Variants in CELF2 observed in about 807,000 individuals in gnomAD.
CELF2 encodes CUGBP Elav-like family member 2, also known as CUG triplet repeat RNA-binding protein 2.
A neutral mutation model predicts 62.6 loss-of-function variants in CELF2; 8 were observed. The observed-to-expected ratio is 0.13, with a 90% CI of 0.07 to 0.23. The LOEUF is 0.23. Among genes scored for constraint, CELF2 ranks in the 10% least tolerant of loss-of-function variants. The pLI is 1.00. For missense variants in CELF2, 333 were observed against 671.0 expected (o/e 0.50, Z 5.56); for synonymous variants, 258 against 250.0 (o/e 1.03, Z -0.30).
At chr10:10,549,539 C>T in the CELF2 span, among the ~76,000 whole-genome samples, 1 of 152,234 alleles carries the variant, frequency 6.6e-6, no homozygotes, top group Non-Finnish European at 1.5e-5. Context: ...TTGCCTTGGC[C>T]TCACAATGTG....
At chr10:10,557,355 G>A in the CELF2 span, among the ~76,000 whole-genome samples, 27 of 151,638 alleles carry the variant, frequency 1.8e-4, no homozygotes, top group Non-Finnish European at 8.8e-5. Context: ...GATATGTGGC[G>A]TTATTTCTGA....
At chr10:10,684,906 G>A in the CELF2 span, among the ~76,000 whole-genome samples, 16 of 152,074 alleles carry the variant, frequency 1.1e-4, no homozygotes, top group Admixed American at 3.3e-4. Context: ...CACAGCACCG[G>A]GAGCTAGTTC....
At chr10:10,525,127 T>A in the CELF2 span, among the ~76,000 whole-genome samples, 3 of 152,182 alleles carry the variant, frequency 2.0e-5, no homozygotes, top group Non-Finnish European at 4.4e-5. Context: ...GGATCAGTTT[T>A]TTTCGGTGAG....
chr10:10,691,629 T>G, the CELF2 span, among the ~76,000 whole-genome samples: 34,151 of 150,820 alleles, frequency 0.23, 4,104 homozygotes, highest in South Asian at 0.43. Flanking sequence ...ACCAACAGTG[T>G]AAAAGTGTTC....
intron 6 of CELF2, 126 bp downstream of exon 6, chr10:11,266,803 C>T: frequency 1.5e-6 from 1 of 648,136 alleles, no homozygotes; most frequent in Non-Finnish European, 2.6e-6. Context: ...TCTCAGTTTT[C>T]ATTCATTCAT....
At chr10:10,665,680 A>G in the CELF2 span, among the ~76,000 whole-genome samples, 4 of 152,334 alleles carry the variant, frequency 2.6e-5, no homozygotes, top group South Asian at 8.3e-4. Flanking sequence ...GTGCATCACA[A>G]ATTAGTTTTA....
At chr10:10,915,311 T>C (rs2064225027) in intron 1 of CELF2, among the ~76,000 whole-genome samples, 1 of 152,054 alleles carries the variant, frequency 6.6e-6, no homozygotes, top group African/African-American at 2.4e-5. Context: ...CAGTAGAAAA[T>C]GTCTATACAC....
intron 1 of CELF2, among the ~76,000 whole-genome samples, chr10:11,119,224 A>T (rs1319738224): frequency 2.0e-5 from 3 of 152,180 alleles, no homozygotes; most frequent in Non-Finnish European, 4.4e-5. Flanking sequence ...TCTTGCATAA[A>T]CTTGAGCATA....
rs752968427 is a variant in CELF2, at chr10:11,260,777, A to G, written c.538+2905A>G. On this transcript the variant is annotated intron_variant, in intron 5 of 12. Coordinates refer to ENST00000633077, the MANE Select transcript of CELF2 (RefSeq NM_001326342.2). The surrounding 1 kb of genome is among the most constrained non-coding windows in gnomAD (Gnocchi z 4.2). ...TAACCATTTATCCTGAGAACTGAAG[A>G]CAGACAGTGGTACTTTTTTCAATTC... 6.6e-6 allele frequency among the ~76,000 whole-genome samples: 1 copy of G among 152,216 alleles called. No individual in the cohort carries two copies.
rs926524267 is a variant in CELF2, at chr10:11,242,076, G to A, written c.355-7077G>A. 7.2e-5 allele frequency among the ~76,000 whole-genome samples: 11 copies of A among 152,168 alleles called. No homozygotes were observed. In the East Asian group the frequency reaches 7.7e-4, roughly 11 times the overall value. Reference sequence around the variant, plus strand: ...TTCTCAGTTGGCACATAGCTCTTTCGTGAATTCACTTCTTTCCATCCCCTC... The same window carrying A: ...TTCTCAGTTGGCACATAGCTCTTTCATGAATTCACTTCTTTCCATCCCCTC... On this transcript the variant is annotated intron_variant, in intron 3 of 12. Transcript: ENST00000633077. The surrounding 1 kb of genome is among the most constrained non-coding windows in gnomAD (Gnocchi z 4.8).
the CELF2 span, among the ~76,000 whole-genome samples, chr10:10,614,890 GGTCCCAA>G: frequency 6.6e-6 from 1 of 152,026 alleles, no homozygotes; most frequent in Non-Finnish European, 1.5e-5. Context: ...AAAGCACGTA[GGTCCCAA>G]GACACAACTT....
At position 11,165,423 on chromosome 10, in the gene CELF2, A is replaced by T; in HGVS notation, c.75-63A>T. 6.6e-7 allele frequency: 1 copy of T among 1,524,084 alleles called. No individual in the cohort carries two copies. The highest frequency in any genetic ancestry group is 8.8e-7 in the Non-Finnish European group (1 of 1,131,786). 94.4% of individuals were successfully genotyped at this position (1,524,084 alleles called of 1,614,324 possible). ...GCCTCCCCGCTCCCCCACCCCCACT[A>T]TTTTTTCTTCCTGTCCCTCATCGTG... On this transcript the variant is annotated intron_variant, in intron 1 of 12. Coordinates refer to ENST00000633077, the MANE Select transcript of CELF2 (RefSeq NM_001326342.2). This position sits in a 1 kb window ranked among gnomAD's most constrained non-coding sequence, Gnocchi z 7.4.
chr10:11,029,588 A>T (rs2059787370), intron 1 of CELF2, among the ~76,000 whole-genome samples: 1 of 152,200 alleles, frequency 6.6e-6, no homozygotes, highest in African/African-American at 2.4e-5. Context: ...GCCTCTCATC[A>T]CACAGCACTT....
At chr10:10,880,730 A>G (rs2061391495) in intron 1 of CELF2, among the ~76,000 whole-genome samples, 1 of 152,218 alleles carries the variant, frequency 6.6e-6, no homozygotes, top group African/African-American at 2.4e-5. Context: ...GGCAGAGTGG[A>G]GTGGAAGCAA....
chr10:10,830,941 A>G (rs1162365380), intron 1 of CELF2, among the ~76,000 whole-genome samples: 2 of 152,192 alleles, frequency 1.3e-5, no homozygotes, highest in East Asian at 3.8e-4. Context: ...ATGACACCAT[A>G]TCAAATTCCT....
intron 1 of CELF2, among the ~76,000 whole-genome samples, chr10:10,912,572 A>T (rs1415060808): frequency 2.0e-5 from 3 of 152,002 alleles, no homozygotes; most frequent in Non-Finnish European, 4.4e-5. Context: ...GTTTCACCAT[A>T]TTGGCCAGGG....
At chr10:11,004,650 A>G (rs1203551906), upstream of CELF2, among the ~76,000 whole-genome samples, 2 of 152,094 alleles carry the variant, frequency 1.3e-5, no homozygotes, top group African/African-American at 2.4e-5. This position sits in a 1 kb window ranked among gnomAD's most constrained non-coding sequence, Gnocchi z 5.0. Flanking sequence ...CAATCTTTGC[A>G]TTGCCTGCCT....
At chr10:11,252,952 C>T (rs1428636990) in intron 4 of CELF2, among the ~76,000 whole-genome samples, 4 of 152,102 alleles carry the variant, frequency 2.6e-5, no homozygotes, top group African/African-American at 4.8e-5. Context: ...CCATCATAAA[C>T]GAGCAGAAAC....
At position 11,084,103 on chromosome 10, in the gene CELF2, G is replaced by A. The variant is rs75644798; in HGVS notation, c.74+65940G>A. Among the ~76,000 whole-genome samples the A allele has an allele frequency of 4.9e-3, 751 of 152,316 alleles. 7 individuals are homozygous for A. The highest frequency in any genetic ancestry group is 0.014 in the African/African-American group (601 of 41,554). The stretch of plus-strand genomic sequence containing the variant: ...GTTTTGGCAAGGAAAGGAAACTGTC[G>A]CTTGGAAGATTCATTTTCCTCCAGA... On this transcript the variant is annotated intron_variant, in intron 1 of 12. Transcript: ENST00000633077.
Sources: gnomAD v4.1 joint callset for allele counts (sites outside exome capture counted in the v4.1 genomes callset) on GRCh38, gnomAD v4.1.1 for gene constraint, Gnocchi (gnomAD v3.1) non-coding constraint, MANE v1.5 for transcripts, NCBI Gene and HGNC (gene_info 2026-07-23, HGNC 2026-07-21) for gene names.